Variants in GRK5 observed in about 807,000 individuals in gnomAD.
The protein encoded by GRK5 is G protein-coupled receptor kinase 5.
In GRK5, 40 loss-of-function variants were observed where a neutral mutation model predicts 78.4. The ratio of observed to expected loss-of-function variants is 0.51; its 90% CI spans 0.40 to 0.66. The LOEUF is 0.66. GRK5 is among the 30% of genes least tolerant of loss of function. The pLI is 0.00. For synonymous variants in GRK5, 289 were observed against 296.8 expected (o/e 0.97, Z 0.27); for missense variants, 598 against 759.9 (o/e 0.79, Z 2.50).
At chr10:119,450,050 C>T (rs1260948938) in intron 13 of GRK5, among the ~76,000 whole-genome samples, 1 of 152,180 alleles carries the variant, frequency 6.6e-6, no homozygotes, top group African/African-American at 2.4e-5. Flanking sequence ...GGAAGTGCCA[C>T]ATGCAAGGAG....
chr10:119,425,513 C>T (rs1371044104), intron 6 of GRK5, among the ~76,000 whole-genome samples: 1 of 152,168 alleles, frequency 6.6e-6, no homozygotes, highest in Admixed American at 6.5e-5. Flanking sequence ...TCTTTAAGTA[C>T]TTCTGCAAGT....
At chr10:119,410,863 AC>A (rs943063831) in intron 4 of GRK5, among the ~76,000 whole-genome samples, 2 of 101,504 alleles carry the variant, frequency 2.0e-5, no homozygotes, top group African/African-American at 5.8e-5. Flanking sequence ...CCGTGGAGCC[AC>A]CTGTGTCTAA....
intron 1 of GRK5, among the ~76,000 whole-genome samples, chr10:119,213,319 T>A (rs1209420036): frequency 6.6e-6 from 1 of 152,182 alleles, no homozygotes; most frequent in Non-Finnish European, 1.5e-5. Flanking sequence ...GAGATCAGCC[T>A]GGCCAACATG....
At position 119,412,840 on chromosome 10, in the gene GRK5, G is replaced by T. The variant is rs564340079; in HGVS notation, c.340-10326G>T. On this transcript the variant is annotated intron_variant, in intron 4 of 15. Transcript: ENST00000392870. This position sits in a 1 kb window ranked among gnomAD's most constrained non-coding sequence, Gnocchi z 4.3. ...TTTAGGGTTGGAACAGCCCCCATTC[G>T]CCCCACCACCCTCTGCTTTCCCCAC... 6.6e-6 allele frequency among the ~76,000 whole-genome samples: 1 copy of T among 152,056 alleles called. No individual in the cohort carries two copies. The highest frequency in any genetic ancestry group is 1.5e-5 in the Non-Finnish European group (1 of 68,008).
chr10:119,235,343 A>G (rs1043652811), intron 1 of GRK5, among the ~76,000 whole-genome samples: 4 of 152,240 alleles, frequency 2.6e-5, no homozygotes, highest in African/African-American at 9.6e-5. Flanking sequence ...CTGGAAAACC[A>G]TATCCTGGAA....
intron 1 of GRK5, among the ~76,000 whole-genome samples, chr10:119,261,046 A>T (rs1450601286): frequency 7.0e-5 from 6 of 86,198 alleles, no homozygotes; most frequent in East Asian, 7.6e-4. Context: ...TGACCCCCCC[A>T]CCTCCCTCCC....
Position 119,431,237 on chromosome 10 carries a change from C to T in GRK5, c.598-150C>T, listed in dbSNP as rs1050701366. On this transcript the variant is annotated intron_variant, in intron 7 of 15. Transcript: ENST00000392870. This position sits in a 1 kb window ranked among gnomAD's most constrained non-coding sequence, Gnocchi z 4.8. Reference sequence around the variant, plus strand: ...GCCCCAGGCCAGGCATCACTGGGTCCTGGGAGCCTGGAGCACTCATGAAGC... The same window carrying T: ...GCCCCAGGCCAGGCATCACTGGGTCTTGGGAGCCTGGAGCACTCATGAAGC... 13 of 839,842 alleles carry T rather than the reference C, an allele frequency of 1.5e-5. No homozygotes were observed. In the Admixed American group the frequency reaches 2.4e-4, roughly 16 times the overall value. The allele number at this position is 839,842 out of a possible 1,614,324, so 52.0% of individuals were successfully genotyped here.
At chr10:119,355,090 A>G (rs1268716769) in intron 2 of GRK5, among the ~76,000 whole-genome samples, 1 of 152,212 alleles carries the variant, frequency 6.6e-6, no homozygotes, top group Admixed American at 6.5e-5. Flanking sequence ...TGCTATATAA[A>G]TAGTTGTTAT....
intron 1 of GRK5, among the ~76,000 whole-genome samples, chr10:119,250,722 A>G (rs79949963): frequency 0.021 from 3,229 of 152,276 alleles, 58 homozygotes; most frequent in Admixed American, 0.055. Context: ...TACACACAAA[A>G]TTGGAAGTGA....
intron 2 of GRK5, among the ~76,000 whole-genome samples, chr10:119,350,724 C>T (rs1851174213): frequency 6.6e-6 from 1 of 152,216 alleles, no homozygotes; most frequent in South Asian, 2.1e-4. Flanking sequence ...TGGATCAAAT[C>T]CCATTACAGC....
In GRK5 at chr10:119,395,985, A is replaced by T. The variant is rs369529977; in HGVS notation, c.262-710A>T. Among the ~76,000 whole-genome samples, 17 of 152,374 alleles carry T rather than the reference A, an allele frequency of 1.1e-4. No individual in the cohort carries two copies. In the East Asian group the frequency reaches 1.5e-3, roughly 14 times the overall value. ...TTCGAGGTTCAGATAAGAACATCTT[A>T]AAAAACCTGTGTATGTTCACTTTGT... On this transcript the variant is annotated intron_variant, in intron 3 of 15. Transcript: ENST00000392870.
intron 4 of GRK5, among the ~76,000 whole-genome samples, chr10:119,403,476 T>C (rs1053907807): frequency 7.2e-5 from 11 of 152,240 alleles, no homozygotes; most frequent in African/African-American, 2.7e-4. Context: ...CTGGTTTCTT[T>C]TGTAGCATAA....
At chr10:119,255,287 A>C (rs994419382) in intron 1 of GRK5, among the ~76,000 whole-genome samples, 2 of 152,100 alleles carry the variant, frequency 1.3e-5, no homozygotes, top group Non-Finnish European at 2.9e-5. Flanking sequence ...TCTCAGGGGT[A>C]TCAGGGACCC....
At chr10:119,230,809 T>G (rs1589691484) in intron 1 of GRK5, among the ~76,000 whole-genome samples, 2 of 109,006 alleles carry the variant, frequency 1.8e-5, no homozygotes, top group Admixed American at 2.8e-4. Context: ...CTAGCCTGGG[T>G]GGCAGAGTGA....
intron 2 of GRK5, among the ~76,000 whole-genome samples, chr10:119,354,245 G>A (rs748972657): frequency 1.3e-5 from 2 of 151,906 alleles, no homozygotes; most frequent in Admixed American, 1.3e-4. Context: ...GTGGAGTGGG[G>A]CAGAAAGGTT....
At chr10:119,424,848 T>G (rs897629237) in intron 5 of GRK5, 145 bp from the exon 6 acceptor site, 6 of 648,108 alleles carry the variant, frequency 9.3e-6, no homozygotes, top group South Asian at 6.9e-5. Context: ...CTCAGTAGAA[T>G]GGCAGGACCT....
At chr10:119,245,653 A>C (rs1380171825) in intron 1 of GRK5, among the ~76,000 whole-genome samples, 2 of 152,210 alleles carry the variant, frequency 1.3e-5, no homozygotes, top group Admixed American at 1.3e-4. Context: ...AGTTTCTGAT[A>C]TACAAGATGA....
At chr10:119,443,520 C>A in intron 11 of GRK5, 24 bp from the exon 12 acceptor site, 1 of 1,585,238 alleles carries the variant, frequency 6.3e-7, no homozygotes, top group Non-Finnish European at 8.6e-7. Context: ...CTCCTCACTC[C>A]TCTCTCCTCT....
intron 12 of GRK5, among the ~76,000 whole-genome samples, chr10:119,446,094 T>C (rs1853142938): frequency 1.3e-5 from 2 of 152,240 alleles, no homozygotes; most frequent in Non-Finnish European, 1.5e-5. Flanking sequence ...CACTTGTCCT[T>C]CCAGCCCATC....
Sources: allele counts gnomAD v4.1 joint callset (sites outside exome capture counted in the v4.1 genomes callset), GRCh38; gene constraint gnomAD v4.1.1; non-coding constraint Gnocchi (gnomAD v3.1); transcripts MANE v1.5; gene names NCBI Gene and HGNC (gene_info 2026-07-23, HGNC 2026-07-21).